Variants in FKBP11 observed in about 807,000 individuals in gnomAD.
The protein encoded by FKBP11 is FKBP prolyl isomerase 11.
A neutral mutation model predicts 24.7 loss-of-function variants in FKBP11; 21 were observed. The ratio of observed to expected loss-of-function variants is 0.85; its 90% CI spans 0.60 to 1.23. FKBP11 has a LOEUF of 1.23. Among genes scored for constraint, FKBP11 ranks in the 50% most tolerant of loss-of-function variants. The pLI is 0.00. For synonymous variants in FKBP11, 106 were observed against 100.6 expected, an observed-to-expected ratio of 1.05 and a Z score of -0.32; for missense variants, 245 against 248.7, an observed-to-expected ratio of 0.99 and a Z score of 0.10.
At chr12:48,923,735 G>A (rs1248570177) in intron 5 of FKBP11, 47 bp downstream of exon 5, 7 of 1,595,132 alleles carry the variant, frequency 4.4e-6, no homozygotes, top group Non-Finnish European at 6.0e-6. Context: ...ATAGCTCTTA[G>A]GGACTGGGTA....
the FKBP11 span, among the ~76,000 whole-genome samples, chr12:48,932,930 T>G: frequency 6.6e-6 from 1 of 152,178 alleles, no homozygotes; most frequent in Admixed American, 6.5e-5. Flanking sequence ...GCCCTCTGCA[T>G]AGATAGCCAG....
the FKBP11 span, chr12:48,938,050 A>C: frequency 5.3e-6 from 1 of 189,442 alleles, no homozygotes. Context: ...ACAGATCTGA[A>C]GATGGTGGGG....
the FKBP11 span, chr12:48,931,686 T>A: frequency 1.8e-6 from 1 of 552,038 alleles, no homozygotes; most frequent in Non-Finnish European, 3.2e-6. Context: ...CCAGCTTGAT[T>A]AAAGACAATG....
the FKBP11 span, among the ~76,000 whole-genome samples, chr12:48,932,406 C>A: frequency 6.7e-6 from 1 of 149,024 alleles, no homozygotes; most frequent in Admixed American, 6.7e-5. Flanking sequence ...AGCCACCATG[C>A]CTGGCCTGGT....
chr12:48,932,802 C>CCT, the FKBP11 span, among the ~76,000 whole-genome samples: 1 of 152,058 alleles, frequency 6.6e-6, no homozygotes, highest in African/African-American at 2.4e-5. Context: ...AGGTGCCAGG[C>CCT]GGACAAGCCC....
intron 5 of FKBP11, chr12:48,922,680 G>T: frequency 1.0e-6 from 1 of 993,578 alleles, no homozygotes; most frequent in South Asian, 4.5e-5. Context: ...AGAGGAAGAA[G>T]GATGAGGATG....
the FKBP11 span, among the ~76,000 whole-genome samples, chr12:48,934,521 T>C: frequency 6.6e-6 from 1 of 152,196 alleles, no homozygotes; most frequent in African/African-American, 2.4e-5. Context: ...CTTCAGCAAC[T>C]GCCACAAGAG....
upstream of FKBP11, chr12:48,925,749 T>A: frequency 2.7e-6 from 1 of 365,206 alleles, no homozygotes; most frequent in Non-Finnish European, 5.1e-6. Context: ...AGCTAGTCTC[T>A]AATCCTCAAA....
chr12:48,937,027 AC>A, the FKBP11 span: 2 of 152,188 alleles, frequency 1.3e-5, no homozygotes, highest in Non-Finnish European at 2.9e-5. Flanking sequence ...ACACACCCAC[AC>A]CCATATACAC....
In FKBP11 at chr12:48,924,986, C is replaced by T. The variant is rs924880315; in HGVS notation, c.195+60G>A. 7 of 1,559,416 alleles carry T rather than the reference C, an allele frequency of 4.5e-6. No homozygotes were observed. In the East Asian group the frequency reaches 1.6e-4, roughly 36 times the overall value. The stretch of plus-strand genomic sequence containing the variant: ...TGCCACGTGTCCAAGCCAAAGCTGA[C>T]GTGTTTCAGCAGGGCGCCGCCCCCT... On this transcript the variant is annotated intron_variant, in intron 2 of 5. Coordinates refer to ENST00000550765, the MANE Select transcript of FKBP11 (RefSeq NM_016594.3).
At chr12:48,938,112 C>T in the FKBP11 span, 319 of 311,634 alleles carry the variant, frequency 1.0e-3, 1 homozygote, top group Admixed American at 1.6e-3. Context: ...TTCCTCTCTC[C>T]TTCCCAACAG....
chr12:48,932,752 T>C, the FKBP11 span, among the ~76,000 whole-genome samples: 1 of 152,000 alleles, frequency 6.6e-6, no homozygotes. Flanking sequence ...CCCTGAACGA[T>C]ATATGGGATG....
intron 3 of FKBP11, 99 bp from the exon 4 acceptor site, chr12:48,924,355 T>G (rs1939904541): frequency 7.0e-7 from 1 of 1,437,562 alleles, no homozygotes; most frequent in Non-Finnish European, 9.7e-7. Flanking sequence ...CAATTGACCT[T>G]TCCCTCACTT....
chr12:48,935,018 CAAAAAAAAAA>C, the FKBP11 span, among the ~76,000 whole-genome samples: 14 of 87,534 alleles, frequency 1.6e-4, no homozygotes, highest in Admixed American at 2.8e-4. Context: ...AATTCCGTCT[CAAAAAAAAAA>C]AAAAAAAAAA....
the FKBP11 span, chr12:48,935,912 A>G: frequency 0.33 from 50,221 of 152,086 alleles, 9,247 homozygotes; most frequent in Admixed American, 0.48. Context: ...TGAGAAATAC[A>G]GCTGATTTCA....
At position 48,922,530 on chromosome 12, in the gene FKBP11, G is replaced by A. The variant is rs114347416; in HGVS notation, c.389-329C>T. On this transcript the variant is annotated intron_variant, in intron 5 of 5. Transcript: ENST00000550765. Reference sequence around the variant, plus strand: ...CCTCTATACTAACTACTAATTTATCGTATTTCCAAATAACCACACGGATAG... The same window carrying A: ...CCTCTATACTAACTACTAATTTATCATATTTCCAAATAACCACACGGATAG... 672 of 1,018,792 alleles carry A rather than the reference G, an allele frequency of 6.6e-4. 1 individual carries two copies. The African/African-American group carries it at 9.6e-3, about 15-fold the overall frequency. The allele number at this position is 1,018,792 out of a possible 1,614,324, so 63.1% of individuals were successfully genotyped here.
At chr12:48,924,883 G>A in intron 2 of FKBP11, 163 bp downstream of exon 2, 1 of 1,445,346 alleles carries the variant, frequency 6.9e-7, no homozygotes, top group Non-Finnish European at 9.1e-7. Flanking sequence ...AGGGAAAAGA[G>A]GCACGGAAGA....
At chr12:48,938,826 T>C in the FKBP11 span, 3 of 1,313,076 alleles carry the variant, frequency 2.3e-6, no homozygotes, top group African/African-American at 1.5e-5. Context: ...TTGCTGGGCA[T>C]GTGGACATGA....
the FKBP11 span, chr12:48,936,794 G>GA: frequency 6.6e-6 from 1 of 152,142 alleles, no homozygotes; most frequent in Non-Finnish European, 1.5e-5. Flanking sequence ...TCCTAAGTAG[G>GA]AAAAAATACA....
Sources: allele counts gnomAD v4.1 joint callset (sites outside exome capture counted in the v4.1 genomes callset), GRCh38; gene constraint gnomAD v4.1.1; transcripts MANE v1.5; gene names NCBI Gene and HGNC (gene_info 2026-07-23, HGNC 2026-07-21).